Variants in PALLD observed in about 807,000 individuals in gnomAD.
PALLD encodes palladin.
PALLD carries 61 observed loss-of-function variants against 123.5 expected under a neutral mutation model. The ratio of observed to expected loss-of-function variants is 0.49; its 90% CI spans 0.40 to 0.61. PALLD has a LOEUF of 0.61. PALLD is among the 20% of genes least tolerant of loss of function. PALLD has a pLI of 0.00. For synonymous variants in PALLD, 465 were observed against 496.4 expected (o/e 0.94, Z 0.84); for missense variants, 1,273 against 1,377.0 (o/e 0.92, Z 1.20).
chr4:168,876,362 T>C (rs575051529), intron 10 of PALLD, among the ~76,000 whole-genome samples: 11 of 152,298 alleles, frequency 7.2e-5, no homozygotes, highest in Non-Finnish European at 1.2e-4. Flanking sequence ...AGGGCAGTGG[T>C]GAATCCCAGC....
chr4:168,809,185 C>A (rs189758927), intron 10 of PALLD, among the ~76,000 whole-genome samples: 1 of 152,310 alleles, frequency 6.6e-6, no homozygotes, highest in Non-Finnish European at 1.5e-5. Context: ...TCTTCTGTCT[C>A]TTGTTTTCAT....
chr4:168,550,817 A>T (rs1766655413), intron 2 of PALLD, among the ~76,000 whole-genome samples: 1 of 152,160 alleles, frequency 6.6e-6, no homozygotes, highest in Non-Finnish European at 1.5e-5. Context: ...TTTCAGTTTG[A>T]TACTCTGCCC....
chr4:168,899,662 A>G (rs1756026519), intron 14 of PALLD, among the ~76,000 whole-genome samples: 1 of 152,210 alleles, frequency 6.6e-6, no homozygotes, highest in Non-Finnish European at 1.5e-5. Context: ...CACGCCTGTA[A>G]TCCCAGCATT....
chr4:168,639,774 G>A (rs891923876), intron 2 of PALLD, among the ~76,000 whole-genome samples: 6 of 152,064 alleles, frequency 3.9e-5, no homozygotes, highest in South Asian at 2.1e-4. Context: ...TCGATCTTCT[G>A]ACCTCGTGAT....
chr4:168,554,100 A>G (rs1276905881), intron 2 of PALLD, among the ~76,000 whole-genome samples: 1 of 152,166 alleles, frequency 6.6e-6, no homozygotes, highest in Admixed American at 6.5e-5. Context: ...CCCTGGTTCA[A>G]TGCCGGACAT....
chr4:168,609,565 G>A (rs376443487), intron 2 of PALLD, among the ~76,000 whole-genome samples: 71 of 152,254 alleles, frequency 4.7e-4, no homozygotes, highest in African/African-American at 1.7e-3. Flanking sequence ...TTGCTGAGTA[G>A]GGTTCTGGAT....
chr4:168,783,856 T>G (rs1736299502), intron 10 of PALLD, among the ~76,000 whole-genome samples: 1 of 152,150 alleles, frequency 6.6e-6, no homozygotes, highest in Non-Finnish European at 1.5e-5. Context: ...ACCTGTAGTG[T>G]CCACTACCTT....
intron 10 of PALLD, among the ~76,000 whole-genome samples, chr4:168,890,535 T>A (rs1373257719): frequency 6.6e-6 from 1 of 152,172 alleles, no homozygotes; most frequent in Non-Finnish European, 1.5e-5. Flanking sequence ...TGGTATATAT[T>A]TTTTTAAAAC....
rs569946134 is a variant in PALLD, at chr4:168,631,607, G to C, written c.909-36583G>C. 1.9e-4 allele frequency: 189 copies of C among 985,534 alleles called. No homozygotes were observed. The African/African-American group carries it at 2.8e-3, about 15-fold the overall frequency. 61.0% of individuals were successfully genotyped at this position (985,534 alleles called of 1,614,324 possible). On this transcript the variant is annotated intron_variant, in intron 2 of 21. Transcript: ENST00000505667. ...TCCGCGCACACGCGCCCCTCGGCGA[G>C]ACGCGGCGCATTCGCGCGCTGGAGA...
chr4:168,798,575 A>G (rs1012377688), intron 10 of PALLD, among the ~76,000 whole-genome samples: 1 of 152,202 alleles, frequency 6.6e-6, no homozygotes, highest in South Asian at 2.1e-4. Context: ...ATTGGAAAGT[A>G]AGTGAAAAAC....
At chr4:168,606,896 T>C (rs914967327) in intron 2 of PALLD, among the ~76,000 whole-genome samples, 1 of 152,164 alleles carries the variant, frequency 6.6e-6, no homozygotes, top group Non-Finnish European at 1.5e-5. Context: ...AGAGGAGCCA[T>C]CTTGAGGCAC....
In PALLD at chr4:168,898,256, C is replaced by G. The variant is rs931661587; in HGVS notation, c.2251-237C>G. The G allele has an allele frequency of 1.1e-5, 6 of 546,484 alleles. No individual in the cohort carries two copies. The East Asian group carries it at 1.9e-4, about 17-fold the overall frequency. 33.9% of individuals were successfully genotyped at this position (546,484 alleles called of 1,614,324 possible). On this transcript the variant is annotated intron_variant, in intron 13 of 21. Coordinates refer to ENST00000505667, the MANE Select transcript of PALLD (RefSeq NM_001166108.2). The stretch of plus-strand genomic sequence containing the variant: ...CAGAGAAAAGAAGGAAAAAAAAATT[C>G]ATCTTTCCTACCCCCCTCTTTTTGG...
At chr4:168,581,803 T>C (rs1212320961) in intron 2 of PALLD, among the ~76,000 whole-genome samples, 2 of 149,774 alleles carry the variant, frequency 1.3e-5, no homozygotes, top group African/African-American at 4.8e-5. Context: ...TTGTTGCCTA[T>C]GTTTTTTAGG....
intron 10 of PALLD, among the ~76,000 whole-genome samples, chr4:168,866,720 C>T (rs888761404): frequency 2.0e-5 from 3 of 152,176 alleles, no homozygotes; most frequent in Non-Finnish European, 4.4e-5. Context: ...AAGTCAGCTC[C>T]TCCAGGTTGC....
At chr4:168,794,506 G>GCGCACACA (rs61011663) in intron 10 of PALLD, among the ~76,000 whole-genome samples, 5 of 143,958 alleles carry the variant, frequency 3.5e-5, no homozygotes, top group Non-Finnish European at 7.6e-5. Flanking sequence ...ACACACACAC[G>GCGCACACA]CACACACACA....
intron 10 of PALLD, among the ~76,000 whole-genome samples, chr4:168,725,522 C>CTTTT (rs1210834634): frequency 8.6e-4 from 79 of 91,654 alleles, no homozygotes; most frequent in South Asian, 1.3e-3. Flanking sequence ...TCTTTAATTT[C>CTTTT]TTTTTTTTTT....
At chr4:168,531,577 CCT>C (rs1375470485) in intron 2 of PALLD, among the ~76,000 whole-genome samples, 8 of 152,052 alleles carry the variant, frequency 5.3e-5, no homozygotes, top group Non-Finnish European at 1.2e-4. Context: ...AGAAAATTGG[CCT>C]AAGAAACTCA....
At chr4:168,791,400 G>A (rs192743261) in intron 10 of PALLD, among the ~76,000 whole-genome samples, 28 of 152,326 alleles carry the variant, frequency 1.8e-4, no homozygotes, top group African/African-American at 6.7e-4. Flanking sequence ...AATTGACTCA[G>A]TACTGCATGG....
Position 168,683,087 on chromosome 4 carries a change from C to A in PALLD, c.1244C>A (p.Ser415Tyr). The A allele has an allele frequency of 6.2e-7, 1 of 1,605,558 alleles. No homozygotes were observed. The highest frequency in any genetic ancestry group is 1.1e-5 in the South Asian group (1 of 90,766). Residue 415 changes from serine to tyrosine, a missense_variant, in exon 5 of 22, where the codon TCT becomes TAT. Ser to Tyr is a moderately radical substitution (Grantham distance 144). Coordinates refer to ENST00000505667, the MANE Select transcript of PALLD (RefSeq NM_001166108.2). ...ACCACAGCTGTGATTCAACCACTGT[C>A]TGTCCCTGTGCAACAGGTAAGTATG... ...GVTTAVIQPLSVPVQQVHSPT... is the reference protein window; with the variant it reads ...GVTTAVIQPLYVPVQQVHSPT...
Sources: allele counts gnomAD v4.1 joint callset (sites outside exome capture counted in the v4.1 genomes callset), GRCh38; gene constraint gnomAD v4.1.1; transcripts MANE v1.5; gene names NCBI Gene and HGNC (gene_info 2026-07-23, HGNC 2026-07-21).